OTOP1: variants seen among roughly 807,000 people sequenced by gnomAD.
OTOP1 encodes proton channel OTOP1.
OTOP1 carries 59 observed loss-of-function variants against 52.9 expected under a neutral mutation model. The observed-to-expected ratio is 1.12, with a 90% CI of 0.91 to 1.39. The LOEUF (loss-of-function observed/expected upper bound fraction) is 1.39. OTOP1 is among the 40% of genes most tolerant of loss of function. The probability of loss-of-function intolerance (pLI) is 0.00; values close to 1 mark genes in which losing one functional copy is unlikely to be tolerated. For synonymous variants in OTOP1, 317 were observed against 337.7 expected (o/e 0.94, Z 0.67); for missense variants, 761 against 800.9 (o/e 0.95, Z 0.60).
intron 2 of OTOP1, among the ~76,000 whole-genome samples, chr4:4,211,265 G>C (rs1232116484): frequency 6.6e-6 from 1 of 152,202 alleles, no homozygotes; most frequent in East Asian, 1.9e-4. Flanking sequence ...TGGTTTTCTA[G>C]AGGTAGAAAA....
chr4:4,196,951 A>C (rs1716647212), intron 5 of OTOP1, among the ~76,000 whole-genome samples: 1 of 152,146 alleles, frequency 6.6e-6, no homozygotes. Flanking sequence ...AGACACTACC[A>C]GGGACTACTA....
chr4:4,202,224 C>A (rs1320947053), intron 4 of OTOP1, among the ~76,000 whole-genome samples: 3 of 152,154 alleles, frequency 2.0e-5, no homozygotes, highest in African/African-American at 7.2e-5. Flanking sequence ...CTTACAAGTC[C>A]CTGAGTCATG....
At chr4:4,188,996 A>T in intron 5 of OTOP1, 23 bp from the exon 6 acceptor site, 7 of 1,607,622 alleles carry the variant, frequency 4.4e-6, no homozygotes, top group Non-Finnish European at 5.1e-6. Context: ...AGAAAATGGC[A>T]TGTGGTGGGG....
chr4:4,200,934 G>A (rs1045828939), intron 4 of OTOP1, among the ~76,000 whole-genome samples: 4 of 152,270 alleles, frequency 2.6e-5, no homozygotes, highest in African/African-American at 9.6e-5. Flanking sequence ...AGGGAAGAAA[G>A]CAGGAGGAAA....
At chr4:4,216,492 T>C (rs923978789) in intron 1 of OTOP1, among the ~76,000 whole-genome samples, 28 of 152,156 alleles carry the variant, frequency 1.8e-4, no homozygotes, top group African/African-American at 6.8e-4. Context: ...GCATGAGCCA[T>C]AACATTGGGC....
intron 3 of OTOP1, 29 bp from the exon 4 acceptor site, chr4:4,202,607 G>T: frequency 3.7e-6 from 6 of 1,611,510 alleles, no homozygotes; most frequent in African/African-American, 1.3e-5. Context: ...CAGTTCTCAA[G>T]CAGCCCTGGG....
Position 4,197,877 on chromosome 4 carries a change from C to T in OTOP1, c.957G>A (p.Leu319=), listed in dbSNP as rs750561540. The T allele has an allele frequency of 1.2e-6, 2 of 1,614,056 alleles. No individual in the cohort carries two copies. Among genetic ancestry groups the T allele is most frequent in the Non-Finnish European group, 1.7e-6 (2 of 1,180,022 alleles). The change falls in exon 5 of 6, where the codon CTG becomes CTA. Residue 319 remains leucine, a synonymous_variant. Transcript: ENST00000296358. The stretch of plus-strand genomic sequence containing the variant: ...CAGCAATGGTGGCGGCCAGCACGGT[C>T]AGGCCCAGGACTGCGCCCACCATGA... ...DGVMVGAVLG[L]TVLAATIAVV...
chr4:4,211,142 T>C (rs1317999369), intron 2 of OTOP1, among the ~76,000 whole-genome samples: 1 of 152,216 alleles, frequency 6.6e-6, no homozygotes, highest in Non-Finnish European at 1.5e-5. Flanking sequence ...TTTGAGAATG[T>C]GTTTGATCTA....
chr4:4,206,496 GA>G (rs1160976824), intron 2 of OTOP1, among the ~76,000 whole-genome samples: 1 of 152,184 alleles, frequency 6.6e-6, no homozygotes, highest in Non-Finnish European at 1.5e-5. Flanking sequence ...TTTCATCTAA[GA>G]AATATTCACT....
intron 1 of OTOP1, among the ~76,000 whole-genome samples, chr4:4,220,900 T>C (rs1717286073): frequency 6.6e-6 from 1 of 152,110 alleles, no homozygotes; most frequent in African/African-American, 2.4e-5. Flanking sequence ...TTCTATCCCA[T>C]GCAAGAATGC....
chr4:4,197,555 G>T lies in OTOP1; in HGVS notation c.1279C>A (p.Pro427Thr). ...TCCACGATCGCCAGGATGGAGTAGGGCAGGTTGTACCAGGTGTAGCGGGGG... is the reference window on the plus strand; with the variant it reads ...TCCACGATCGCCAGGATGGAGTAGGTCAGGTTGTACCAGGTGTAGCGGGGG... ...GHPRYTWYNL[P>T]YSILAIVEKY... Residue 427 changes from proline to threonine, a missense_variant, in exon 5 of 6, where the codon CCC becomes ACC. Pro to Thr is a conservative substitution (Grantham distance 38, BLOSUM62 -1). This residue lies in a region of OTOP1 where 632 missense variants were observed against 619.5 expected (regional missense o/e 1.02). Coordinates refer to ENST00000296358, the MANE Select transcript of OTOP1 (RefSeq NM_177998.3). 6.2e-7 allele frequency: 1 copy of T among 1,614,114 alleles called. No individual in the cohort carries two copies. The highest frequency in any genetic ancestry group is 8.5e-7 in the Non-Finnish European group (1 of 1,180,024).
intron 4 of OTOP1, among the ~76,000 whole-genome samples, chr4:4,199,228 G>GTGTGTGTGTGTC (rs1716721714): frequency 9.8e-6 from 1 of 101,930 alleles, no homozygotes; most frequent in East Asian, 2.9e-4. Flanking sequence ...AATTGTGTGT[G>GTGTGTGTGTGTC]TGTGTGAGAG....
intron 2 of OTOP1, among the ~76,000 whole-genome samples, chr4:4,211,872 G>T (rs957257928): frequency 6.6e-6 from 1 of 152,086 alleles, no homozygotes; most frequent in Non-Finnish European, 1.5e-5. Context: ...TTGCAAATAC[G>T]CAAGACGAAT....
At chr4:4,196,969 A>G (rs2108796706) in intron 5 of OTOP1, among the ~76,000 whole-genome samples, 197 bp downstream of exon 5, 1 of 152,256 alleles carries the variant, frequency 6.6e-6, no homozygotes, top group South Asian at 2.1e-4. Context: ...CTAGGGGGAG[A>G]GGCCGGAAGC....
rs553511110 is a variant in OTOP1, at chr4:4,218,998, G to C, written c.404-5994C>G. Among the ~76,000 whole-genome samples the C allele has an allele frequency of 6.6e-5, 10 of 151,928 alleles. No homozygotes were observed. The East Asian group carries it at 1.4e-3, about 21-fold the overall frequency. The stretch of plus-strand genomic sequence containing the variant: ...GGGAAGAAAAAAATGGCCATTAATG[G>C]AATAAAAAAATCACAATAAATTTTT... On this transcript the variant is annotated intron_variant, in intron 1 of 5. Coordinates refer to ENST00000296358, the MANE Select transcript of OTOP1 (RefSeq NM_177998.3).
chr4:4,191,559 C>G (rs558958959), intron 5 of OTOP1, among the ~76,000 whole-genome samples: 6 of 152,214 alleles, frequency 3.9e-5, no homozygotes, highest in African/African-American at 1.4e-4. Flanking sequence ...CTCACTCCCA[C>G]CGGGGGTTTT....
At chr4:4,195,639 C>T (rs1161006279) in intron 5 of OTOP1, among the ~76,000 whole-genome samples, 1 of 152,196 alleles carries the variant, frequency 6.6e-6, no homozygotes, top group East Asian at 1.9e-4. Flanking sequence ...GCTGCCAGGC[C>T]AACCCCAAGA....
At chr4:4,226,210 G>C (rs1438988976) in intron 1 of OTOP1, among the ~76,000 whole-genome samples, 1 of 152,246 alleles carries the variant, frequency 6.6e-6, no homozygotes, top group Non-Finnish European at 1.5e-5. Flanking sequence ...AAGGACAAGA[G>C]AGGTTTCTGT....
At chr4:4,193,657 C>T (rs540957103) in intron 5 of OTOP1, among the ~76,000 whole-genome samples, 79 of 152,272 alleles carry the variant, frequency 5.2e-4, no homozygotes, top group African/African-American at 1.7e-3. Context: ...CCAACCAGTG[C>T]CTGGGGGCAT....
Sources: gnomAD v4.1 joint callset for allele counts (sites outside exome capture counted in the v4.1 genomes callset) on GRCh38, gnomAD v4.1.1 for gene constraint, gnomAD v4.1.1 regional missense constraint, MANE v1.5 for transcripts, NCBI Gene and HGNC (gene_info 2026-07-23, HGNC 2026-07-21) for gene names.